OOSP3: variants seen among roughly 807,000 people sequenced by gnomAD.
The protein encoded by OOSP3 is oocyte-secreted protein 3.
chr11:59,881,620 A>G (rs1171724441), intron 2 of OOSP3, among the ~76,000 whole-genome samples: 1 of 152,104 alleles, frequency 6.6e-6, no homozygotes, highest in Non-Finnish European at 1.5e-5. Context: ...ACAATATGAC[A>G]AAAATAGTAT....
Position 59,883,935 on chromosome 11 carries a change from G to A in OOSP3, c.252+3496G>A, listed in dbSNP as rs529234478. Among the ~76,000 whole-genome samples the A allele has an allele frequency of 4.5e-4, 68 of 152,314 alleles. 1 individual carries two copies. The highest frequency in any genetic ancestry group is 3.9e-3 in the Admixed American group (59 of 15,296). On this transcript the variant is annotated intron_variant, in intron 2 of 4. Transcript: ENST00000646438. The stretch of plus-strand genomic sequence containing the variant: ...GAGTACTAATTGTTATGCACTAAAT[G>A]AAAACATTAATGTGATTAATGACAA...
At chr11:59,879,388 T>A (rs1225536974) in intron 1 of OOSP3, among the ~76,000 whole-genome samples, 3 of 152,162 alleles carry the variant, frequency 2.0e-5, no homozygotes, top group Non-Finnish European at 4.4e-5. Context: ...TTATTTGCAT[T>A]CCACTTACTT....
At position 59,885,636 on chromosome 11, in the gene OOSP3, C is replaced by T. The variant is rs186240193; in HGVS notation, c.252+5197C>T. ...GCTTCCAACTCCATCCATGTCCCAGCAGAGTACATGATCTTCTTCCTTTTT... is the reference window on the plus strand; with the variant it reads ...GCTTCCAACTCCATCCATGTCCCAGTAGAGTACATGATCTTCTTCCTTTTT... On this transcript the variant is annotated intron_variant, in intron 2 of 4. Coordinates refer to ENST00000646438, the Ensembl canonical transcript of OOSP3. Among the ~76,000 whole-genome samples, 6 of 152,334 alleles carry T rather than the reference C, an allele frequency of 3.9e-5. No homozygotes were observed. In the East Asian group the frequency reaches 1.2e-3, roughly 29 times the overall value.
chr11:59,894,182 T>C lies in OOSP3; in HGVS notation c.350+6T>C. ...TTGATGTGTATTGTATATGGGTGAG[T>C]ATAATGAACCAGATGGTTCACAGTT... On this transcript the variant is annotated splice_donor_region_variant and intron_variant, in intron 3 of 4. Transcript: ENST00000646438. 2.5e-6 allele frequency: 1 copy of C among 398,502 alleles called. No homozygotes were observed. Among genetic ancestry groups the C allele is most frequent in the South Asian group, 1.3e-4 (1 of 7,858 alleles). The allele number at this position is 398,502 out of a possible 1,614,324, so 24.7% of individuals were successfully genotyped here. A position where few individuals can be genotyped will look rare whatever the true frequency, so the allele number is the denominator to read the frequency against.
chr11:59,886,096 C>T (rs1853254553), intron 2 of OOSP3, among the ~76,000 whole-genome samples: 1 of 152,100 alleles, frequency 6.6e-6, no homozygotes, highest in Non-Finnish European at 1.5e-5. Flanking sequence ...TCTCTGTGTC[C>T]ATGTGTTTTC....
chr11:59,895,000 A>G (rs770829588), intron 3 of OOSP3, among the ~76,000 whole-genome samples: 10 of 152,220 alleles, frequency 6.6e-5, no homozygotes, highest in Non-Finnish European at 1.5e-4. Context: ...TATAAATCAA[A>G]GGGCTTGAAT....
intron 4 of OOSP3, 52 bp from the exon 5 acceptor site, chr11:59,896,081 A>T (rs1853354757): frequency 7.5e-6 from 3 of 397,982 alleles, no homozygotes; most frequent in Admixed American, 4.4e-5. Flanking sequence ...CAAGTTTATC[A>T]AGGGGTTACA....
chr11:59,882,268 T>C (rs1031914599), intron 2 of OOSP3, among the ~76,000 whole-genome samples: 2 of 152,040 alleles, frequency 1.3e-5, no homozygotes, highest in African/African-American at 2.4e-5. Flanking sequence ...TTGAAGATTT[T>C]TTTTTTTCCC....
chr11:59,895,590 T>C (rs549236), exon 4 of OOSP3: 24,946 of 398,388 alleles, frequency 0.063, 1,001 homozygotes, highest in East Asian at 0.16. Context: ...TTATTCTCCC[T>C]GGAACTTAAC....
intron 2 of OOSP3, among the ~76,000 whole-genome samples, chr11:59,884,471 GTCTGTCTCTCTCTCTC>G (rs1486279052): frequency 7.2e-4 from 72 of 100,126 alleles, no homozygotes; most frequent in African/African-American, 3.9e-3. Flanking sequence ...CTGTCTGTCT[GTCTGTCTCTCTCTCTC>G]TCTCTCTCTC....
chr11:59,881,362 C>CA (rs199571943), intron 2 of OOSP3, among the ~76,000 whole-genome samples: 3,779 of 115,840 alleles, frequency 0.033, 101 homozygotes, highest in African/African-American at 0.076. Flanking sequence ...GAGACTATCT[C>CA]AAAAAAAAAA....
At chr11:59,888,875 C>T (rs983063281) in intron 2 of OOSP3, among the ~76,000 whole-genome samples, 1 of 152,144 alleles carries the variant, frequency 6.6e-6, no homozygotes, top group Non-Finnish European at 1.5e-5. Context: ...AGGAATGGTA[C>T]CAGCTCCTCT....
At chr11:59,893,925 C>A (rs778612885) in intron 2 of OOSP3, among the ~76,000 whole-genome samples, 154 bp from the exon 3 acceptor site, 3 of 152,050 alleles carry the variant, frequency 2.0e-5, no homozygotes, top group Non-Finnish European at 4.4e-5. Context: ...TAAAATTTTT[C>A]TGGTGAATCA....
At chr11:59,893,184 T>C (rs543117913) in intron 2 of OOSP3, among the ~76,000 whole-genome samples, 2 of 152,364 alleles carry the variant, frequency 1.3e-5, no homozygotes, top group Non-Finnish European at 2.9e-5. Flanking sequence ...ATTTCTATTC[T>C]TTTTGGAAAC....
At chr11:59,887,956 T>C (rs1331440085) in intron 2 of OOSP3, among the ~76,000 whole-genome samples, 2 of 152,206 alleles carry the variant, frequency 1.3e-5, no homozygotes, top group African/African-American at 4.8e-5. Flanking sequence ...TTTCATCTGT[T>C]TGTGTCCTCT....
At chr11:59,883,476 G>A (rs1853222115) in intron 2 of OOSP3, among the ~76,000 whole-genome samples, 1 of 152,124 alleles carries the variant, frequency 6.6e-6, no homozygotes, top group Non-Finnish European at 1.5e-5. Context: ...ATGTTGAAAA[G>A]TTAGCTGCCT....
At chr11:59,886,162 G>A (rs1008378462) in intron 2 of OOSP3, among the ~76,000 whole-genome samples, 1 of 152,084 alleles carries the variant, frequency 6.6e-6, no homozygotes, top group South Asian at 2.1e-4. Flanking sequence ...TTCTGTTCCT[G>A]TGTTAGCTTG....
At chr11:59,878,824 A>C (rs2134523190) in exon 1 of OOSP3, 1 of 398,502 alleles carries the variant, frequency 2.5e-6, no homozygotes, top group East Asian at 3.6e-5. Flanking sequence ...AGATTTTGTG[A>C]GGTTACAGTC....
intron 2 of OOSP3, among the ~76,000 whole-genome samples, chr11:59,886,230 C>A (rs1440141745): frequency 6.6e-6 from 1 of 152,138 alleles, no homozygotes; most frequent in Non-Finnish European, 1.5e-5. Context: ...GATCTGATTC[C>A]TTTTTATGGC....
Sources: gnomAD v4.1 joint callset for allele counts (sites outside exome capture counted in the v4.1 genomes callset) on GRCh38, gnomAD v4.1.1 for gene constraint, MANE v1.5 for transcripts, NCBI Gene and HGNC (gene_info 2026-07-23, HGNC 2026-07-21) for gene names.